Variants in CHD7 observed in about 807,000 individuals in gnomAD.
CHD7 encodes the protein chromodomain helicase DNA binding protein 7.
Under a neutral mutation model 307.3 loss-of-function variants are expected in CHD7, and 24 were observed. The ratio of observed to expected loss-of-function variants is 0.08; its 90% CI spans 0.06 to 0.11. CHD7 has a LOEUF of 0.11. Ranked by LOEUF, CHD7 falls within the 10% of genes least tolerant of loss-of-function variation. The probability of loss-of-function intolerance (pLI) is 1.00; values close to 1 mark genes in which losing one functional copy is unlikely to be tolerated. For synonymous variants in CHD7, 1,363 were observed against 1,349.9 expected, an observed-to-expected ratio of 1.01 and a Z score of -0.21; for missense variants, 3,106 against 3,727.1, an observed-to-expected ratio of 0.83 and a Z score of 4.34.
chr8:60,700,298 G>A lies in CHD7; in HGVS notation c.-175+21216G>A, dbSNP rs574689424. 2.8e-4 allele frequency among the ~76,000 whole-genome samples: 43 copies of A among 152,304 alleles called. No homozygotes were observed. The South Asian group carries it at 8.5e-3, about 30-fold the overall frequency. ...TTTTCACCTTCACAAAATGTTAGAA[G>A]CTTACCATCTTAGAGTAATTATAAC... On this transcript the variant is annotated intron_variant, in intron 1 of 37. Coordinates refer to ENST00000423902, the MANE Select transcript of CHD7 (RefSeq NM_017780.4).
intron 1 of CHD7, among the ~76,000 whole-genome samples, chr8:60,719,963 A>G (rs1378893280): frequency 6.6e-6 from 1 of 152,248 alleles, no homozygotes; most frequent in Non-Finnish European, 1.5e-5. Context: ...TAAAACATGC[A>G]TGAAGTAGGA....
rs1804458973 is a variant in CHD7 at position 60,830,523 on chromosome 8, T to A, written c.3724T>A (p.Leu1242Ile). The part of the protein sequence containing the change: ...GGGQANVPNL[L>I]NTMMELRKCC... ...TGGTCAAGCTAACGTACCTAACCTA[T>A]TAAACACTATGATGGAATTGCGGAA... is the stretch of plus-strand genomic sequence containing the variant. The change falls in exon 15 of 38, where the codon TTA becomes ATA. Residue 1242 changes from leucine to isoleucine, a missense_variant. Leu to Ile is a conservative substitution (Grantham distance 5). Around this residue, in one of 10 missense-constraint regions of CHD7, gnomAD observed 232 missense variants for 422.5 expected, o/e 0.55. Coordinates refer to ENST00000423902, the MANE Select transcript of CHD7 (RefSeq NM_017780.4). 6.2e-7 allele frequency: 1 copy of A among 1,614,000 alleles called. No homozygotes were observed. The highest frequency in any genetic ancestry group is 8.5e-7 in the Non-Finnish European group (1 of 1,179,880).
Position 60,860,938 on chromosome 8 carries a change from A to G in CHD7, c.7643A>G (p.Asp2548Gly), listed in dbSNP as rs1805939969. ...DAEVTKAFEEDIETPPTRNIP... is the reference protein window; with the variant it reads ...DAEVTKAFEEGIETPPTRNIP... ...GAGGTGACCAAAGCTTTTGAAGAAG[A>G]TATAGAGACCCCACCAACAAGAAAC... The change falls in exon 35 of 38, where the codon GAT becomes GGT. Residue 2548 changes from aspartate (D) to glycine (G), a missense_variant. Coordinates refer to ENST00000423902, the MANE Select transcript of CHD7 (RefSeq NM_017780.4). 6.2e-7 allele frequency: 1 copy of G among 1,613,850 alleles called. No homozygotes were observed. The highest frequency in any genetic ancestry group is 8.5e-7 in the Non-Finnish European group (1 of 1,179,870).
At chr8:60,808,375 T>G (rs1461948055) in intron 7 of CHD7, 103 bp downstream of exon 7, 1 of 760,278 alleles carries the variant, frequency 1.3e-6, no homozygotes, top group Admixed American at 2.7e-5. Context: ...TTGGTATGAT[T>G]TCTTTAGTCA....
intron 7 of CHD7, among the ~76,000 whole-genome samples, chr8:60,816,109 G>GTCTCTCTCTCTC (rs1175311453): frequency 3.0e-5 from 2 of 67,026 alleles, no homozygotes; most frequent in Non-Finnish European, 6.2e-5. Flanking sequence ...CTGTCTGTCT[G>GTCTCTCTCTCTC]TCTGTCTCTC....
chr8:60,747,725 G>A (rs1410646701), intron 2 of CHD7, among the ~76,000 whole-genome samples: 2 of 152,144 alleles, frequency 1.3e-5, no homozygotes, highest in Non-Finnish European at 2.9e-5. Flanking sequence ...TAGAACCACT[G>A]GTATGAAGGA....
intron 6 of CHD7, among the ~76,000 whole-genome samples, chr8:60,803,353 T>C (rs1391140356): frequency 1.3e-5 from 2 of 152,332 alleles, no homozygotes; most frequent in African/African-American, 2.4e-5. Flanking sequence ...ATTTAGACTA[T>C]ATATTATGTA....
rs115206340 is a variant in CHD7 at position 60,749,430 on chromosome 8, G to A, written c.1665+6333G>A. Among the ~76,000 whole-genome samples, 1,030 of 147,326 alleles carry A rather than the reference G, an allele frequency of 7.0e-3. 12 individuals carry two copies. Among genetic ancestry groups the A allele is most frequent in the African/African-American group, 0.024 (947 of 39,818 alleles). On this transcript the variant is annotated intron_variant, in intron 2 of 37. Transcript: ENST00000423902. ...ATTACAGACATGGGCAGAGTAATTG[G>A]CAACTAAGTAAATTTATGGAAAAAG... is the stretch of plus-strand genomic sequence containing the variant.
chr8:60,830,003 C>G (rs888049310), intron 14 of CHD7, among the ~76,000 whole-genome samples: 2 of 152,158 alleles, frequency 1.3e-5, no homozygotes, highest in South Asian at 4.1e-4. Flanking sequence ...TCCCTCTTCT[C>G]TATCTTCCCT....
intron 1 of CHD7, among the ~76,000 whole-genome samples, chr8:60,736,719 G>T (rs1386782268): frequency 6.6e-6 from 1 of 152,130 alleles, no homozygotes; most frequent in Non-Finnish European, 1.5e-5. Context: ...CCACGTGTTG[G>T]CTGTTTATCA....
At chr8:60,738,203 G>GTAC (rs1401600107) in intron 1 of CHD7, among the ~76,000 whole-genome samples, 2 of 152,260 alleles carry the variant, frequency 1.3e-5, no homozygotes, top group East Asian at 3.9e-4. Context: ...GAATTGAGAT[G>GTAC]TACTGTAAGT....
chr8:60,798,901 A>G (rs1167204940), intron 4 of CHD7, among the ~76,000 whole-genome samples: 1 of 152,196 alleles, frequency 6.6e-6, no homozygotes, highest in Non-Finnish European at 1.5e-5. Flanking sequence ...TTCTTTGACA[A>G]AACAGTTAAA....
chr8:60,842,938 C>G (rs1805037394), intron 21 of CHD7, among the ~76,000 whole-genome samples: 1 of 152,168 alleles, frequency 6.6e-6, no homozygotes, highest in South Asian at 2.1e-4. Flanking sequence ...TGTCTTTGCA[C>G]AAGCTCTTCC....
intron 23 of CHD7, among the ~76,000 whole-genome samples, chr8:60,846,614 A>G (rs750009332): frequency 1.3e-5 from 2 of 152,236 alleles, no homozygotes; most frequent in African/African-American, 2.4e-5. Flanking sequence ...CCTCGGCAGC[A>G]AGATCTCAAC....
chr8:60,723,318 C>G (rs1195686847), intron 1 of CHD7, among the ~76,000 whole-genome samples: 2 of 152,100 alleles, frequency 1.3e-5, no homozygotes, highest in Admixed American at 1.3e-4. Context: ...AAATGTTTGC[C>G]AAATACTCAA....
chr8:60,714,167 C>T (rs1161237869), intron 1 of CHD7, among the ~76,000 whole-genome samples: 1 of 151,840 alleles, frequency 6.6e-6, no homozygotes, highest in Non-Finnish European at 1.5e-5. Flanking sequence ...ATGAGGACGG[C>T]GAGCGGGCCC....
At chr8:60,723,522 GTA>G (rs1808014703) in intron 1 of CHD7, among the ~76,000 whole-genome samples, 1 of 152,190 alleles carries the variant, frequency 6.6e-6, no homozygotes, top group Admixed American at 6.5e-5. Context: ...ACACATCTCT[GTA>G]TAGACGGGCT....
intron 4 of CHD7, 146 bp downstream of exon 4, chr8:60,795,273 C>A: frequency 2.6e-6 from 2 of 760,798 alleles, no homozygotes; most frequent in South Asian, 5.8e-5. Context: ...ATCTCCATAG[C>A]GATGTAGGGA....
chr8:60,792,080 T>A (rs1459106957), intron 3 of CHD7, among the ~76,000 whole-genome samples: 2 of 152,214 alleles, frequency 1.3e-5, no homozygotes, highest in Non-Finnish European at 2.9e-5. Flanking sequence ...ATTAACGTTA[T>A]TTTACAGATG....
Sources: gnomAD v4.1 joint callset for allele counts (sites outside exome capture counted in the v4.1 genomes callset) on GRCh38, gnomAD v4.1.1 for gene constraint, gnomAD v4.1.1 regional missense constraint, MANE v1.5 for transcripts, NCBI Gene and HGNC (gene_info 2026-07-23, HGNC 2026-07-21) for gene names.